The following TMEM232 variants were observed in gnomAD, a reference collection of about 807,000 sequenced individuals.
TMEM232 encodes transmembrane protein 232.
In TMEM232, 80 loss-of-function variants were observed where a neutral mutation model predicts 78.8. The observed-to-expected ratio is 1.01, with a 90% CI of 0.85 to 1.22. The LOEUF (loss-of-function observed/expected upper bound fraction) is 1.22, where lower values mean the gene tolerates loss of function less well. Among genes scored for constraint, TMEM232 ranks in the 50% most tolerant of loss-of-function variants. The probability of loss-of-function intolerance (pLI) is 0.00; values close to 1 mark genes in which losing one functional copy is unlikely to be tolerated. For missense variants in TMEM232, 881 were observed against 742.2 expected, an observed-to-expected ratio of 1.19 and a Z score of -2.17; for synonymous variants, 297 against 254.3, an observed-to-expected ratio of 1.17 and a Z score of -1.60.
chr5:110,690,809 T>C (rs1218783271), intron 1 of TMEM232, among the ~76,000 whole-genome samples: 1 of 152,154 alleles, frequency 6.6e-6, no homozygotes, highest in Non-Finnish European at 1.5e-5. Context: ...AAAGGATGAA[T>C]TCATGTCCTT....
intron 12 of TMEM232, among the ~76,000 whole-genome samples, chr5:110,522,348 G>A (rs1769656418): frequency 6.6e-6 from 1 of 152,000 alleles, no homozygotes; most frequent in Admixed American, 6.5e-5. Flanking sequence ...ATATATATAA[G>A]GTCATATCAC....
rs544457083 is a variant in TMEM232, at chr5:110,631,466, T to C, written c.502-3586A>G. Among the ~76,000 whole-genome samples, 16 of 152,194 alleles carry C rather than the reference T, an allele frequency of 1.1e-4. No individual in the cohort carries two copies. In the South Asian group the frequency reaches 1.7e-3, roughly 16 times the overall value. On this transcript the variant is annotated intron_variant, in intron 5 of 13. Transcript: ENST00000455884. ...TGGGGCTGAGGGCAGTGACCCCACT[T>C]CCACTGGTGGAGTGGCCTCTGTGTT...
rs1316165086 is a variant in TMEM232, at chr5:110,636,410, G to C, written c.501+1788C>G. Among the ~76,000 whole-genome samples the C allele has an allele frequency of 2.6e-5, 4 of 151,936 alleles. No individual in the cohort carries two copies. The East Asian group carries it at 7.7e-4, about 29-fold the overall frequency. ...TCAAAGTAACTAGAAGAGAGGATTT[G>C]AAATGATGCAAACACATAGAAATAA... On this transcript the variant is annotated intron_variant, in intron 5 of 13. Transcript: ENST00000455884.
intron 1 of TMEM232, chr5:110,720,554 A>G (rs1377959012): frequency 1.3e-5 from 2 of 152,126 alleles, no homozygotes; most frequent in African/African-American, 2.4e-5. Flanking sequence ...GGAAGATGGC[A>G]TGAGTCATGA....
chr5:110,532,569 T>C (rs1771689703), intron 11 of TMEM232, among the ~76,000 whole-genome samples: 1 of 152,008 alleles, frequency 6.6e-6, no homozygotes, highest in South Asian at 2.1e-4. Flanking sequence ...AGCACTCCTT[T>C]TTAGTATCCC....
At chr5:110,651,769 G>A (rs533838172) in intron 2 of TMEM232, among the ~76,000 whole-genome samples, 11 of 152,140 alleles carry the variant, frequency 7.2e-5, no homozygotes, top group Non-Finnish European at 1.3e-4. Context: ...GTTATGGGGT[G>A]GGGCAAGGGA....
At chr5:110,408,515 C>G (rs543976438) in intron 2 of TMEM232, among the ~76,000 whole-genome samples, 1 of 151,906 alleles carries the variant, frequency 6.6e-6, no homozygotes, top group African/African-American at 2.4e-5. Context: ...TTGCTTGAAT[C>G]CAGGAGAAAG....
At chr5:110,625,593 G>T in intron 6 of TMEM232, 160 bp from the exon 7 acceptor site, 1 of 511,112 alleles carries the variant, frequency 2.0e-6, no homozygotes, top group Non-Finnish European at 3.1e-6. Context: ...GCCCCCTGGT[G>T]GTATAATAGA....
At chr5:110,477,524 T>C (rs1041951560) in intron 12 of TMEM232, among the ~76,000 whole-genome samples, 1 of 151,894 alleles carries the variant, frequency 6.6e-6, no homozygotes, top group African/African-American at 2.4e-5. Flanking sequence ...AATATGAAAG[T>C]ATAATATTAA....
At chr5:110,447,292 C>T (rs921236116) in intron 12 of TMEM232, among the ~76,000 whole-genome samples, 1 of 151,974 alleles carries the variant, frequency 6.6e-6, no homozygotes, top group Non-Finnish European at 1.5e-5. Flanking sequence ...AATAGAAACC[C>T]GTCTCCTTAC....
At chr5:110,554,182 G>A (rs1040646852) in intron 11 of TMEM232, among the ~76,000 whole-genome samples, 1 of 152,116 alleles carries the variant, frequency 6.6e-6, no homozygotes, top group Non-Finnish European at 1.5e-5. Context: ...GGCTGAGAAA[G>A]GCAGACCCAC....
chr5:110,658,737 T>C (rs1298449120), intron 2 of TMEM232, among the ~76,000 whole-genome samples: 1 of 152,158 alleles, frequency 6.6e-6, no homozygotes, highest in African/African-American at 2.4e-5. Flanking sequence ...AGAGGGTTAA[T>C]TGGTAGGCAT....
intron 2 of TMEM232, among the ~76,000 whole-genome samples, chr5:110,651,983 G>A (rs1463438627): frequency 6.6e-6 from 1 of 151,980 alleles, no homozygotes; most frequent in Non-Finnish European, 1.5e-5. Flanking sequence ...ACAAACATCT[G>A]GTGTTTGCTT....
intron 1 of TMEM232, among the ~76,000 whole-genome samples, chr5:110,720,349 G>A (rs1289571059): frequency 1.3e-5 from 2 of 152,080 alleles, no homozygotes; most frequent in African/African-American, 4.8e-5. Context: ...TGAAGTAAGG[G>A]AGCCCCCAGC....
rs1161737079 is a variant in TMEM232 at position 110,622,555 on chromosome 5, T to A, written c.768+2712A>T. ...TTTATGGCTGCATAGTATTCCATGG[T>A]GTATATGTGCCACATTTTCTTAATC... On this transcript the variant is annotated intron_variant, in intron 7 of 13. Transcript: ENST00000455884. Among the ~76,000 whole-genome samples, 6 of 152,080 alleles carry A rather than the reference T, an allele frequency of 3.9e-5. No individual in the cohort carries two copies. In the East Asian group the frequency reaches 1.2e-3, roughly 29 times the overall value.
chr5:110,687,915 T>A (rs1318258816), intron 1 of TMEM232, among the ~76,000 whole-genome samples: 2 of 152,064 alleles, frequency 1.3e-5, no homozygotes, highest in African/African-American at 4.8e-5. Context: ...GGTGAGGCAA[T>A]GTAACACAAT....
chr5:110,716,776 C>A (rs924760773), intron 1 of TMEM232, among the ~76,000 whole-genome samples: 1 of 152,080 alleles, frequency 6.6e-6, no homozygotes, highest in Non-Finnish European at 1.5e-5. Flanking sequence ...AAACCTTAGT[C>A]CTAAACTTGA....
intron 12 of TMEM232, among the ~76,000 whole-genome samples, chr5:110,447,293 G>T (rs1340968745): frequency 6.6e-6 from 1 of 151,928 alleles, no homozygotes; most frequent in African/African-American, 2.4e-5. Context: ...ATAGAAACCC[G>T]TCTCCTTACA....
chr5:110,406,997 A>T (rs778060130), intron 2 of TMEM232, among the ~76,000 whole-genome samples: 1 of 152,052 alleles, frequency 6.6e-6, no homozygotes, highest in Non-Finnish European at 1.5e-5. Flanking sequence ...AAATAGATTC[A>T]CTAAAAATAA....
Sources: allele counts gnomAD v4.1 joint callset (sites outside exome capture counted in the v4.1 genomes callset), GRCh38; gene constraint gnomAD v4.1.1; transcripts MANE v1.5; gene names NCBI Gene and HGNC (gene_info 2026-07-23, HGNC 2026-07-21).